ADCY3: variants seen among roughly 807,000 people sequenced by gnomAD.
ADCY3 encodes adenylate cyclase 3.
Under a neutral mutation model 119.4 loss-of-function variants are expected in ADCY3, and 70 were observed. That is an observed-to-expected ratio of 0.59 (90% CI 0.48 to 0.72). The LOEUF is 0.72. Among genes scored for constraint, ADCY3 ranks in the 30% least tolerant of loss-of-function variants. ADCY3 has a pLI of 0.00. For missense variants in ADCY3, 1,238 were observed against 1,541.6 expected (o/e 0.80, Z 3.30); for synonymous variants, 672 against 621.4 (o/e 1.08, Z -1.21).
rs1430724608 is a variant in ADCY3 at position 24,823,363 on chromosome 2, G to C, written c.2737-8C>G. 3.7e-6 allele frequency: 6 copies of C among 1,610,474 alleles called. No homozygotes were observed. The highest frequency in any genetic ancestry group is 5.1e-6 in the Non-Finnish European group (6 of 1,178,976). Reference sequence around the variant, plus strand: ...CGTCTGGCTATACAGCTCCTAAAAAGAGGTGCGGACAACGTGCTCAAAGCA... The same window carrying C: ...CGTCTGGCTATACAGCTCCTAAAAACAGGTGCGGACAACGTGCTCAAAGCA... On this transcript the variant is annotated splice_region_variant and splice_polypyrimidine_tract_variant and intron_variant, in intron 17 of 21. Coordinates refer to ENST00000679454, the MANE Select transcript of ADCY3 (RefSeq NM_004036.5).
chr2:24,901,348 T>C (rs1442959964), intron 2 of ADCY3, among the ~76,000 whole-genome samples: 1 of 152,248 alleles, frequency 6.6e-6, no homozygotes, highest in African/African-American at 2.4e-5. Context: ...CCAGTTGTTT[T>C]TGGTATTATA....
chr2:24,835,098 C>A (rs568238412), intron 9 of ADCY3, among the ~76,000 whole-genome samples, 162 bp from the exon 10 acceptor site: 1 of 141,358 alleles, frequency 7.1e-6, no homozygotes, highest in Admixed American at 7.0e-5. Context: ...TCCCCATGCT[C>A]CCACGTGGCT....
In ADCY3 at chr2:24,839,948, T is replaced by TGGCCCA; in HGVS notation, c.1274_1279dup (p.Leu425_Gly426dup). The TGGCCCA allele has an allele frequency of 6.2e-7, 1 of 1,613,878 alleles. No individual in the cohort carries two copies. The highest frequency in any genetic ancestry group is 8.5e-7 in the Non-Finnish European group (1 of 1,180,016). On this transcript the variant is annotated inframe_insertion, in exon 7 of 22. Coordinates refer to ENST00000679454, the MANE Select transcript of ADCY3 (RefSeq NM_004036.5). ...CCACACGTCGTACTGCCAGCGCTTCTGGCCCAGGACGCCCCCCAGCACGGT... is the reference window on the plus strand; with the variant it reads ...CCACACGTCGTACTGCCAGCGCTTCTGGCCCAGGCCCAGGACGCCCCCCAGCACGGT...
At chr2:24,868,779 G>A (rs140619586) in intron 3 of ADCY3, among the ~76,000 whole-genome samples, 29 of 152,244 alleles carry the variant, frequency 1.9e-4, no homozygotes, top group African/African-American at 6.3e-4. Flanking sequence ...CACTTTGGGA[G>A]ACTGAGGCAG....
rs777799744 is a variant in ADCY3 at position 24,842,834 on chromosome 2, G to A, written c.826-450C>T. Among the ~76,000 whole-genome samples the A allele has an allele frequency of 5.9e-5, 9 of 152,208 alleles. No homozygotes were observed. Among genetic ancestry groups the A allele is most frequent in the Non-Finnish European group, 1.3e-4 (9 of 68,046 alleles). ...ACTGACAGCAGACCAGGCACTACACGAGGCGCCAGCGACACAAAACCAGCA... is the reference window on the plus strand; with the variant it reads ...ACTGACAGCAGACCAGGCACTACACAAGGCGCCAGCGACACAAAACCAGCA... On this transcript the variant is annotated intron_variant, in intron 3 of 21. Coordinates refer to ENST00000679454, the MANE Select transcript of ADCY3 (RefSeq NM_004036.5). The surrounding 1 kb of genome is among the most constrained non-coding windows in gnomAD (Gnocchi z 4.9).
intron 12 of ADCY3, 75 bp downstream of exon 12, chr2:24,831,587 C>A: frequency 8.6e-7 from 1 of 1,167,768 alleles, no homozygotes; most frequent in Non-Finnish European, 1.3e-6. Flanking sequence ...AGAATAACTC[C>A]ATCACTGCCC....
Position 24,841,493 on chromosome 2 carries a change from G to A in ADCY3, c.1068+63C>T. The A allele has an allele frequency of 6.3e-7, 1 of 1,590,588 alleles. No individual in the cohort carries two copies. Among genetic ancestry groups the A allele is most frequent in the Non-Finnish European group, 8.6e-7 (1 of 1,165,948 alleles). On this transcript the variant is annotated intron_variant, in intron 5 of 21. Coordinates refer to ENST00000679454, the MANE Select transcript of ADCY3 (RefSeq NM_004036.5). This position sits in a 1 kb window ranked among gnomAD's most constrained non-coding sequence, Gnocchi z 5.8. ...GGAGAAAATCATGGGGCCGGGGATG[G>A]GGGCCAGGCAGAGGCCATGAGGGCA...
chr2:24,877,487 G>T (rs1405970649), intron 2 of ADCY3, among the ~76,000 whole-genome samples: 1 of 152,194 alleles, frequency 6.6e-6, no homozygotes, highest in Non-Finnish European at 1.5e-5. Flanking sequence ...TGAGGACAGC[G>T]GACAGGGTAC....
intron 12 of ADCY3, among the ~76,000 whole-genome samples, chr2:24,831,310 C>G (rs1669465183): frequency 2.6e-5 from 4 of 152,184 alleles, no homozygotes; most frequent in Admixed American, 2.6e-4. Context: ...CTTCTAAGGG[C>G]CTTCACCATC....
intron 13 of ADCY3, among the ~76,000 whole-genome samples, chr2:24,829,626 G>A (rs544371568): frequency 8.6e-5 from 13 of 150,438 alleles, no homozygotes; most frequent in South Asian, 8.4e-4. Context: ...TTTCAACTGT[G>A]TTAGCCAGGA....
In ADCY3 at chr2:24,834,266, C is replaced by T. The variant is rs569495287; in HGVS notation, c.1967+219G>A. ...GATCCTGGCCAGATCCCCATTCTGA[C>T]GCTAGGACTGCTCCAAAACGCGGGG... On this transcript the variant is annotated intron_variant, in intron 11 of 21. Transcript: ENST00000679454. This position sits in a 1 kb window ranked among gnomAD's most constrained non-coding sequence, Gnocchi z 4.2. Among the ~76,000 whole-genome samples, 43 of 152,308 alleles carry T rather than the reference C, an allele frequency of 2.8e-4. No homozygotes were observed. The highest frequency in any genetic ancestry group is 7.7e-4 in the East Asian group (4 of 5,184).
At position 24,822,551 on chromosome 2, in the gene ADCY3, G is replaced by T; in HGVS notation, c.2963C>A (p.Thr988Asn). Reference sequence around the variant, plus strand: ...AAAGCCATTGGTGTTGACATCGGGGGTGACTCCTGAAGCCGCCATATACGT... The same window carrying T: ...AAAGCCATTGGTGTTGACATCGGGGTTGACTCCTGAAGCCGCCATATACGT... ...GSTYMAASGVTPDVNTNGFAS... is the reference protein window; with the variant it reads ...GSTYMAASGVNPDVNTNGFAS... The change falls in exon 19 of 22, where the codon ACC becomes AAC. Residue 988 changes from threonine to asparagine, a missense_variant. Around this residue, in one of 7 missense-constraint regions of ADCY3, gnomAD observed 63 missense variants for 62.8 expected, o/e 1.00. Transcript: ENST00000679454. 6.2e-7 allele frequency: 1 copy of T among 1,614,050 alleles called. No individual in the cohort carries two copies. Among genetic ancestry groups the T allele is most frequent in the Non-Finnish European group, 8.5e-7 (1 of 1,180,004 alleles).
In ADCY3 at chr2:24,898,514, A is replaced by T. The variant is rs1678550097; in HGVS notation, c.675+19799T>A. Among the ~76,000 whole-genome samples, 1 of 152,180 alleles carries T rather than the reference A, an allele frequency of 6.6e-6. No homozygotes were observed. Among genetic ancestry groups the T allele is most frequent in the Non-Finnish European group, 1.5e-5 (1 of 68,034 alleles). ...TCTCCTTTTTCCAAAAGGAAAAATGAGCCACACCACAGATTAAGTCAATTA... is the reference window on the plus strand; with the variant it reads ...TCTCCTTTTTCCAAAAGGAAAAATGTGCCACACCACAGATTAAGTCAATTA... On this transcript the variant is annotated intron_variant, in intron 2 of 21. Coordinates refer to ENST00000679454, the MANE Select transcript of ADCY3 (RefSeq NM_004036.5). This position sits in a 1 kb window ranked among gnomAD's most constrained non-coding sequence, Gnocchi z 4.3.
chr2:24,879,576 T>TAAC (rs1406814307), intron 2 of ADCY3, among the ~76,000 whole-genome samples: 1 of 151,466 alleles, frequency 6.6e-6, no homozygotes, highest in African/African-American at 2.4e-5. Flanking sequence ...TAACTAATAA[T>TAAC]AACACTTTGA....
intron 2 of ADCY3, among the ~76,000 whole-genome samples, chr2:24,891,505 C>T (rs190404660): frequency 2.0e-3 from 304 of 152,100 alleles, no homozygotes; most frequent in South Asian, 7.7e-3. Flanking sequence ...ATAATGGCAC[C>T]AAAGTATAAA....
At chr2:24,891,604 A>G (rs892343298) in intron 2 of ADCY3, among the ~76,000 whole-genome samples, 1 of 152,240 alleles carries the variant, frequency 6.6e-6, no homozygotes, top group African/African-American at 2.4e-5. Flanking sequence ...AACCAAAGGA[A>G]AGATCATACG....
At chr2:24,825,433 C>A (rs1004252135) in intron 16 of ADCY3, among the ~76,000 whole-genome samples, 1 of 147,728 alleles carries the variant, frequency 6.8e-6, no homozygotes, top group African/African-American at 2.5e-5. Context: ...CTCCTAGATT[C>A]AAGCAATCCT....
At chr2:24,890,523 GAT>G (rs1677537453) in intron 2 of ADCY3, among the ~76,000 whole-genome samples, 1 of 152,196 alleles carries the variant, frequency 6.6e-6, no homozygotes, top group South Asian at 2.1e-4. Flanking sequence ...ATTCAACATT[GAT>G]AGTTTGTGCC....
Position 24,819,952 on chromosome 2 carries a change from G to C in ADCY3, c.3415C>G (p.Gln1139Glu). ...GCCATTCAGGAGTTGTCCACCACCT[G>C]GTGGGGCAGTGTGACAGAGGGGCCA... Reference protein sequence around the residue: ...PNGPSVTLPHQVVDNS With the variant: ...PNGPSVTLPHEVVDNS Residue 1139 changes from glutamine to glutamate, a missense_variant, in exon 22 of 22, where the codon CAG becomes GAG. By Grantham distance (29) the Gln-to-Glu change is conservative. Coordinates refer to ENST00000679454, the MANE Select transcript of ADCY3 (RefSeq NM_004036.5). 1 of 1,613,892 alleles carries C rather than the reference G, an allele frequency of 6.2e-7. No individual in the cohort carries two copies. The highest frequency in any genetic ancestry group is 8.5e-7 in the Non-Finnish European group (1 of 1,179,912).
Sources: allele counts gnomAD v4.1 joint callset (sites outside exome capture counted in the v4.1 genomes callset), GRCh38; gene constraint gnomAD v4.1.1; regional missense constraint gnomAD v4.1.1; non-coding constraint Gnocchi (gnomAD v3.1); transcripts MANE v1.5; gene names NCBI Gene and HGNC (gene_info 2026-07-23, HGNC 2026-07-21).